FCRL1: variants seen among roughly 807,000 people sequenced by gnomAD.
FCRL1 encodes the protein Fc receptor-like protein 1.
In FCRL1, 34 loss-of-function variants were observed where a neutral mutation model predicts 49.2. That is an observed-to-expected ratio of 0.69 (90% CI 0.53 to 0.92). FCRL1 has a LOEUF of 0.92. Ranked by LOEUF, FCRL1 falls within the 40% of genes least tolerant of loss-of-function variation. The pLI is 0.00. For missense variants in FCRL1, 524 were observed against 524.1 expected, an observed-to-expected ratio of 1.00 and a Z score of 0.00; for synonymous variants, 218 against 201.6, an observed-to-expected ratio of 1.08 and a Z score of -0.69.
At chr1:157,800,180 C>T (rs1413262667) in intron 6 of FCRL1, 95 bp from the exon 7 acceptor site, 6 of 1,198,208 alleles carry the variant, frequency 5.0e-6, no homozygotes, top group Non-Finnish European at 7.2e-6. Context: ...GGATATGCCT[C>T]ATGCTCAGAT....
intron 9 of FCRL1, 49 bp downstream of exon 9, chr1:157,797,819 T>A (rs553759283): frequency 1.2e-6 from 2 of 1,613,856 alleles, no homozygotes; most frequent in South Asian, 2.2e-5. Flanking sequence ...GTTCTCTTGG[T>A]TCTGGGAAAG....
chr1:157,817,660 C>G (rs932225992), intron 1 of FCRL1, among the ~76,000 whole-genome samples: 3 of 151,750 alleles, frequency 2.0e-5, no homozygotes, highest in African/African-American at 4.8e-5. Flanking sequence ...GCAATAAAAG[C>G]AAAAATAGAC....
At chr1:157,819,612 T>C (rs1655516121) in intron 1 of FCRL1, among the ~76,000 whole-genome samples, 1 of 152,072 alleles carries the variant, frequency 6.6e-6, no homozygotes, top group African/African-American at 2.4e-5. Context: ...GTTCTAAGGT[T>C]TGACTGTGGG....
At chr1:157,801,135 C>A (rs768805004) in intron 6 of FCRL1, among the ~76,000 whole-genome samples, 3 of 152,132 alleles carry the variant, frequency 2.0e-5, no homozygotes, top group Non-Finnish European at 2.9e-5. Flanking sequence ...TGTGATCTGC[C>A]CACCTCAGCC....
intron 1 of FCRL1, among the ~76,000 whole-genome samples, chr1:157,819,134 G>A (rs1448073743): frequency 6.6e-6 from 1 of 152,170 alleles, no homozygotes; most frequent in Non-Finnish European, 1.5e-5. Context: ...TACACAATGA[G>A]AGTGAACAGA....
Position 157,802,006 on chromosome 1 carries a change from G to C in FCRL1, c.795C>G (p.Ser265=). The change falls in exon 5 of 11, where the codon TCC becomes TCG. Residue 265 remains serine, a synonymous_variant. Transcript: ENST00000368176. The part of the protein sequence containing the change: ...PSGGGASFNL[S]LTEEHSGNYS... ...AGTTTCCAGAATGTTCTTCAGTCAG[G>C]GAAAGGTTGAAGGAGGCTCCTCCTC... 1 of 1,614,242 alleles carries C rather than the reference G, an allele frequency of 6.2e-7. No individual in the cohort carries two copies. Among genetic ancestry groups the C allele is most frequent in the Non-Finnish European group, 8.5e-7 (1 of 1,180,040 alleles).
At chr1:157,811,769 A>G (rs1004747320) in intron 1 of FCRL1, among the ~76,000 whole-genome samples, 38 of 152,150 alleles carry the variant, frequency 2.5e-4, no homozygotes, top group African/African-American at 8.9e-4. Context: ...GCTTACACAC[A>G]GTAGTACACC....
At chr1:157,806,894 C>A (rs974576996) in intron 2 of FCRL1, 43 of 545,242 alleles carry the variant, frequency 7.9e-5, no homozygotes, top group Non-Finnish European at 1.2e-4. Flanking sequence ...CCCCACTGAG[C>A]AGACACGTGT....
At chr1:157,815,550 G>T (rs1433764192) in intron 1 of FCRL1, among the ~76,000 whole-genome samples, 1 of 151,640 alleles carries the variant, frequency 6.6e-6, no homozygotes, top group Non-Finnish European at 1.5e-5. Flanking sequence ...CAAGGAACTA[G>T]AAAAACAAGA....
chr1:157,797,125 G>A lies in FCRL1; in HGVS notation c.1194C>T (p.Thr398=). ...QPEQESVAAE[T]LGTHMEDKVS... Reference sequence around the variant, plus strand: ...CCTTGTCCTCCATATGTGTCCCCAGGGTTTCTGCTGTGGAGAAAAGACAAG... The same window carrying A: ...CCTTGTCCTCCATATGTGTCCCCAGAGTTTCTGCTGTGGAGAAAAGACAAG... Residue 398 remains threonine, a synonymous_variant, in exon 10 of 11, where the codon ACC becomes ACT. Coordinates refer to ENST00000368176, the MANE Select transcript of FCRL1 (RefSeq NM_052938.5). 6.2e-7 allele frequency: 1 copy of A among 1,613,808 alleles called. No homozygotes were observed. The highest frequency in any genetic ancestry group is 1.3e-5 in the African/African-American group (1 of 75,006).
chr1:157,797,271 T>G, intron 9 of FCRL1, 139 bp from the exon 10 acceptor site: 2 of 966,452 alleles, frequency 2.1e-6, no homozygotes, highest in Non-Finnish European at 3.2e-6. Context: ...CTTGCTTTTC[T>G]GTTTATCACA....
chr1:157,797,190 A>G, intron 9 of FCRL1, 58 bp from the exon 10 acceptor site: 1 of 1,524,890 alleles, frequency 6.6e-7, no homozygotes, highest in Admixed American at 1.7e-5. Context: ...CCTTCACTAA[A>G]CTTGTGTTAA....
At chr1:157,801,076 A>G (rs1571348671) in intron 6 of FCRL1, among the ~76,000 whole-genome samples, 1 of 151,804 alleles carries the variant, frequency 6.6e-6, no homozygotes. Flanking sequence ...ATTTTTAGTA[A>G]AGATGGGGTT....
intron 2 of FCRL1, among the ~76,000 whole-genome samples, chr1:157,805,944 A>T (rs967726965): frequency 1.3e-5 from 2 of 152,152 alleles, no homozygotes; most frequent in African/African-American, 4.8e-5. Context: ...CACTATTCTC[A>T]ATGGGGCTAG....
chr1:157,804,276 T>A, intron 2 of FCRL1, 165 bp from the exon 3 acceptor site: 3 of 738,994 alleles, frequency 4.1e-6, no homozygotes, highest in Non-Finnish European at 6.4e-6. Context: ...TGGGCTTTCC[T>A]TTGCCATGAA....
In FCRL1 at chr1:157,800,057, C is replaced by G. The variant is rs1029009755; in HGVS notation, c.1031+1G>C. The G allele has an allele frequency of 6.2e-7, 1 of 1,612,894 alleles. No homozygotes were observed. The highest frequency in any genetic ancestry group is 8.5e-7 in the Non-Finnish European group (1 of 1,179,334). On this transcript the variant is annotated splice_donor_variant, in intron 7 of 10. Coordinates refer to ENST00000368176, the MANE Select transcript of FCRL1 (RefSeq NM_052938.5). LOFTEE classifies it high-confidence loss of function. ...ACACCTATAGTGAAAACAGGCCTCA[C>G]CTGAGTGGATCCCTGGCTGAACGTC...
intron 1 of FCRL1, among the ~76,000 whole-genome samples, chr1:157,808,953 G>T (rs1464466505): frequency 6.6e-6 from 1 of 152,208 alleles, no homozygotes; most frequent in Non-Finnish European, 1.5e-5. Flanking sequence ...AATTGGAGAA[G>T]TTGTGGGGGA....
Position 157,800,087 on chromosome 1 carries a change from T to C in FCRL1, c.1004-2A>G. 6.2e-7 allele frequency: 1 copy of C among 1,613,228 alleles called. No homozygotes were observed. Among genetic ancestry groups the C allele is most frequent in the Non-Finnish European group, 8.5e-7 (1 of 1,179,476 alleles). On this transcript the variant is annotated splice_acceptor_variant, in intron 6 of 10. Coordinates refer to ENST00000368176, the MANE Select transcript of FCRL1 (RefSeq NM_052938.5). LOFTEE classifies it high-confidence loss of function. ...GTGGATCCCTGGCTGAACGTCTTCC[T>C]GAAAGAAAAACAAATGAGCATACAC...
At chr1:157,806,960 T>C in intron 2 of FCRL1, 142 bp downstream of exon 2, 1 of 817,874 alleles carries the variant, frequency 1.2e-6, no homozygotes, top group East Asian at 2.6e-5. Flanking sequence ...GAGCCACTGA[T>C]GTTTGTACAC....
Sources: gnomAD v4.1 joint callset for allele counts (sites outside exome capture counted in the v4.1 genomes callset) on GRCh38, gnomAD v4.1.1 for gene constraint, MANE v1.5 for transcripts, NCBI Gene and HGNC (gene_info 2026-07-23, HGNC 2026-07-21) for gene names.